Variants in REELD1 observed in about 807,000 individuals in gnomAD.
REELD1 encodes reeler domain containing 1, also known as reelin domain-containing protein 1.
A neutral mutation model predicts 6.3 loss-of-function variants in REELD1; 12 were observed. The ratio of observed to expected loss-of-function variants is 1.89; its 90% CI spans 1.21 to 3.07. REELD1 has a LOEUF of 3.07. Ranked by LOEUF, REELD1 falls within the 30% of genes most tolerant of loss-of-function variation. The pLI, the probability that REELD1 is intolerant of heterozygous loss-of-function variation, is 0.00. For missense variants in REELD1, 163 were observed against 86.8 expected (o/e 1.88, Z -3.49); for synonymous variants, 57 against 33.6 (o/e 1.70, Z -2.42).
chr4:146,223,799 G>A (rs1041670313), intron 4 of REELD1, among the ~76,000 whole-genome samples: 1 of 152,332 alleles, frequency 6.6e-6, no homozygotes, highest in Admixed American at 6.5e-5. Context: ...ACTGCGTCTC[G>A]AGCCTCTGGG....
intron 2 of REELD1, among the ~76,000 whole-genome samples, chr4:146,216,386 G>C (rs77474778): frequency 0.074 from 11,271 of 152,290 alleles, 648 homozygotes; most frequent in East Asian, 0.23. Flanking sequence ...AAAGGGCAAA[G>C]AGATATCAAA....
chr4:146,224,774 G>A (rs1560725679), intron 5 of REELD1, among the ~76,000 whole-genome samples, 166 bp downstream of exon 5: 1 of 152,236 alleles, frequency 6.6e-6, no homozygotes, highest in African/African-American at 2.4e-5. Flanking sequence ...TAACGCAGCA[G>A]TGAGAGGGAG....
rs1024239184 is a variant in REELD1, at chr4:146,232,207, A to G, written c.*1694A>G. The G allele has an allele frequency of 1.3e-5, 2 of 152,230 alleles. No individual in the cohort carries two copies. The highest frequency in any genetic ancestry group is 2.9e-5 in the Non-Finnish European group (2 of 68,036). 9.4% of individuals were successfully genotyped at this position (152,230 alleles called of 1,614,324 possible). On this transcript the variant is annotated 3_prime_UTR_variant, in exon 8 of 8. Transcript: ENST00000623665. ...TGTAAACAGACTGTTTTGCTTGTCT[A>G]TTGATGTGAACAAATTACCTCTAGG... is the stretch of plus-strand genomic sequence containing the variant.
At chr4:146,220,849 C>A (rs573737998) in intron 3 of REELD1, among the ~76,000 whole-genome samples, 1 of 152,260 alleles carries the variant, frequency 6.6e-6, no homozygotes, top group Non-Finnish European at 1.5e-5. Flanking sequence ...CAGGTGGTCT[C>A]CACTTCCACA....
At chr4:146,218,674 C>T (rs1462938418) in intron 3 of REELD1, among the ~76,000 whole-genome samples, 2 of 152,150 alleles carry the variant, frequency 1.3e-5, no homozygotes, top group African/African-American at 4.8e-5. Context: ...CACATCATGA[C>T]ACAGAAAGTG....
chr4:146,227,713 A>T (rs1365855662), intron 5 of REELD1, among the ~76,000 whole-genome samples: 3 of 152,178 alleles, frequency 2.0e-5, no homozygotes, highest in African/African-American at 7.2e-5. Context: ...CCAGTCACAA[A>T]TGGGAAATTA....
intron 5 of REELD1, among the ~76,000 whole-genome samples, chr4:146,226,876 T>G (rs996543178): frequency 6.6e-6 from 1 of 152,228 alleles, no homozygotes; most frequent in Non-Finnish European, 1.5e-5. Flanking sequence ...GTTCAAACGA[T>G]TCTCCTGCCT....
rs574870831 is a variant in REELD1 at position 146,214,548 on chromosome 4, G to A, written c.-281G>A. On this transcript the variant is annotated 5_prime_UTR_variant, in exon 1 of 8. Coordinates refer to ENST00000623665, the MANE Select transcript of REELD1 (RefSeq NM_001354631.1). ...TGGACACTGAGGAACAGTTCCTGGA[G>A]ATGCTGAGGATTAGTGGTAGCAGCT... The A allele has an allele frequency of 6.6e-6, 1 of 152,324 alleles. No individual in the cohort carries two copies. The highest frequency in any genetic ancestry group is 2.1e-4 in the South Asian group (1 of 4,818). The allele number at this position is 152,324 out of a possible 1,614,324, so 9.4% of individuals were successfully genotyped here. A position where few individuals can be genotyped will look rare whatever the true frequency, so the allele number is the denominator to read the frequency against.
chr4:146,228,365 T>TCA lies in REELD1; in HGVS notation c.758_759dup (p.Ala254GlnfsTer19), dbSNP rs938701637. On this transcript the variant is annotated frameshift_variant, in exon 6 of 8. Transcript: ENST00000623665. LOFTEE classifies it high-confidence loss of function. ...TGCAGAGACTCTGTCCCAACCATCT[T>TCA]CACACACAGCCACTGAAGGCAGCAT... The TCA allele has an allele frequency of 1.1e-5, 8 of 702,386 alleles. No homozygotes were observed. The highest frequency in any genetic ancestry group is 2.1e-5 in the Non-Finnish European group (8 of 384,988). The allele number at this position is 702,386 out of a possible 1,614,324, so 43.5% of individuals were successfully genotyped here. A position where few individuals can be genotyped will look rare whatever the true frequency, so the allele number is the denominator to read the frequency against.
rs912886070 is a variant in REELD1, at chr4:146,229,891, C to T, written c.973-14C>T. 16 of 398,446 alleles carry T rather than the reference C, an allele frequency of 4.0e-5. No individual in the cohort carries two copies. The highest frequency in any genetic ancestry group is 6.6e-5 in the Non-Finnish European group (15 of 226,080). The allele number at this position is 398,446 out of a possible 1,614,324, so 24.7% of individuals were successfully genotyped here. On this transcript the variant is annotated splice_polypyrimidine_tract_variant and intron_variant, in intron 7 of 7. Coordinates refer to ENST00000623665, the MANE Select transcript of REELD1 (RefSeq NM_001354631.1). The stretch of plus-strand genomic sequence containing the variant: ...ACCAGTACCTTTGACTCTTTTTTCC[C>T]TTTGTTTTTCTAGGACAAGACGAAG...
rs1731120489 is a variant in REELD1 at position 146,230,895 on chromosome 4, T to C, written c.*382T>C. ...TCCCTCCTTAGTGTCTCATCTCTTCTAACTCTTTGGGGAAAAAAAGTAATG... is the reference window on the plus strand; with the variant it reads ...TCCCTCCTTAGTGTCTCATCTCTTCCAACTCTTTGGGGAAAAAAAGTAATG... On this transcript the variant is annotated 3_prime_UTR_variant, in exon 8 of 8. Coordinates refer to ENST00000623665, the MANE Select transcript of REELD1 (RefSeq NM_001354631.1). The C allele has an allele frequency of 6.4e-6, 1 of 157,232 alleles. No individual in the cohort carries two copies. The allele number at this position is 157,232 out of a possible 1,614,324, so 9.7% of individuals were successfully genotyped here.
intron 5 of REELD1, among the ~76,000 whole-genome samples, chr4:146,224,913 T>C (rs1474107982): frequency 6.6e-6 from 1 of 152,214 alleles, no homozygotes; most frequent in African/African-American, 2.4e-5. Context: ...CATACACCTC[T>C]TCCCCCAACA....
chr4:146,217,188 T>G (rs1350744584), intron 3 of REELD1, 28 bp downstream of exon 3: 7 of 398,838 alleles, frequency 1.8e-5, no homozygotes, highest in Non-Finnish European at 3.1e-5. Context: ...TTAGAGAGAC[T>G]CCGAGGAGCC....
chr4:146,229,873 C>T, intron 7 of REELD1, 32 bp from the exon 8 acceptor site: 2 of 398,614 alleles, frequency 5.0e-6, no homozygotes, highest in Non-Finnish European at 8.8e-6. Context: ...AAGACCAGTA[C>T]CTTTGACTCT....
chr4:146,226,432 A>G (rs28599686), intron 5 of REELD1, among the ~76,000 whole-genome samples: 1 of 152,120 alleles, frequency 6.6e-6, no homozygotes, highest in Admixed American at 6.5e-5. Flanking sequence ...TTTATAAACA[A>G]TAGAAATGTA....
Position 146,229,030 on chromosome 4 carries a change from A to C in REELD1, c.914A>C (p.Gln305Pro), listed in dbSNP as rs1265270267. The C allele has an allele frequency of 1.4e-6, 1 of 702,412 alleles. No homozygotes were observed. 43.5% of individuals were successfully genotyped at this position (702,412 alleles called of 1,614,324 possible). ...ASSLSTHHRT[Q>P]DDPSFDSLET... ...CCTTCCATTCTTCCCTTTAGAACTC[A>C]GGATGATCCCAGCTTTGATTCACTG... The change falls in exon 7 of 8, where the codon CAG (glutamine) becomes CCG (proline). Residue 305 changes from glutamine (Q) to proline (P), a missense_variant. Physicochemically the swap from Gln to Pro is moderately conservative, Grantham distance 76. Transcript: ENST00000623665.
At chr4:146,215,803 T>G (rs569870703) in intron 2 of REELD1, among the ~76,000 whole-genome samples, 2 of 149,872 alleles carry the variant, frequency 1.3e-5, no homozygotes, top group Non-Finnish European at 3.0e-5. Flanking sequence ...CAGGCTGGAG[T>G]GCAATGGCAT....
At position 146,232,138 on chromosome 4, in the gene REELD1, G is replaced by T. The variant is rs1313451950; in HGVS notation, c.*1625G>T. ...CATCAGAGCCAGATGCACCATGTAT[G>T]CAAACTTTTTTAGATCTTTTCTGTC... is the stretch of plus-strand genomic sequence containing the variant. On this transcript the variant is annotated 3_prime_UTR_variant, in exon 8 of 8. Coordinates refer to ENST00000623665, the MANE Select transcript of REELD1 (RefSeq NM_001354631.1). The T allele has an allele frequency of 1.3e-5, 2 of 152,216 alleles. No homozygotes were observed. Among genetic ancestry groups the T allele is most frequent in the African/African-American group, 4.8e-5 (2 of 41,442 alleles). The allele number at this position is 152,216 out of a possible 1,614,324, so 9.4% of individuals were successfully genotyped here. A position where few individuals can be genotyped will look rare whatever the true frequency, so the allele number is the denominator to read the frequency against.
intron 3 of REELD1, among the ~76,000 whole-genome samples, chr4:146,220,666 A>G (rs1332994455): frequency 1.3e-5 from 2 of 152,254 alleles, no homozygotes; most frequent in African/African-American, 2.4e-5. Context: ...GACAGCTGAA[A>G]TAAAGGCCTT....
Sources: allele counts gnomAD v4.1 joint callset (sites outside exome capture counted in the v4.1 genomes callset), GRCh38; gene constraint gnomAD v4.1.1; transcripts MANE v1.5; gene names NCBI Gene and HGNC (gene_info 2026-07-23, HGNC 2026-07-21).